DPP6: variants seen among roughly 807,000 people sequenced by gnomAD.
The protein encoded by DPP6 is dipeptidyl peptidase like 6.
Under a neutral mutation model 122.6 loss-of-function variants are expected in DPP6, and 69 were observed. That is an observed-to-expected ratio of 0.56 (90% CI 0.46 to 0.69). DPP6 has a LOEUF of 0.69. Ranked by LOEUF, DPP6 falls within the 30% of genes least tolerant of loss-of-function variation. The pLI is 0.00. For missense variants in DPP6, 928 were observed against 1,116.9 expected (o/e 0.83, Z 2.41); for synonymous variants, 418 against 433.1 (o/e 0.97, Z 0.43).
Position 154,803,853 on chromosome 7 carries a change from G to A in DPP6, c.1408-11G>A. ...GGTGTCTGCTCCTGATGCCATGTCT[G>A]TGTGTTTCAGCCCAACAGCAGCAAC... On this transcript the variant is annotated splice_polypyrimidine_tract_variant and intron_variant, in intron 13 of 25. Transcript: ENST00000377770. 6.2e-7 allele frequency: 1 copy of A among 1,612,662 alleles called. No homozygotes were observed. Among genetic ancestry groups the A allele is most frequent in the South Asian group, 1.1e-5 (1 of 90,884 alleles).
At chr7:154,757,714 T>C (rs1795225846) in intron 8 of DPP6, among the ~76,000 whole-genome samples, 1 of 152,170 alleles carries the variant, frequency 6.6e-6, no homozygotes, top group African/African-American at 2.4e-5. Context: ...ACTGGCATAG[T>C]CGTGGTGAGC....
the DPP6 span, among the ~76,000 whole-genome samples, chr7:153,843,060 A>T: frequency 1.3e-5 from 2 of 149,296 alleles, no homozygotes; most frequent in Non-Finnish European, 2.9e-5. Context: ...GAGTGCATAC[A>T]CGAGTGCATA....
chr7:154,040,563 A>G (rs1189239687), intron 1 of DPP6, among the ~76,000 whole-genome samples: 5 of 147,784 alleles, frequency 3.4e-5, no homozygotes, highest in Non-Finnish European at 5.9e-5. Context: ...CTCACATTCA[A>G]ACAACAATTC....
chr7:154,703,026 A>G (rs1185934862), intron 7 of DPP6, among the ~76,000 whole-genome samples: 1 of 152,204 alleles, frequency 6.6e-6, no homozygotes, highest in East Asian at 1.9e-4. Flanking sequence ...GGCCCTTAAG[A>G]GTGATGTTAA....
intron 1 of DPP6, among the ~76,000 whole-genome samples, chr7:153,944,665 T>G (rs1344421897): frequency 2.3e-5 from 1 of 43,664 alleles, no homozygotes; most frequent in Admixed American, 2.4e-4. Context: ...TTTGTGTGGG[T>G]TTTTTTTTTT....
At chr7:154,543,007 GAGA>G (rs1338651608) in intron 4 of DPP6, among the ~76,000 whole-genome samples, 1 of 152,188 alleles carries the variant, frequency 6.6e-6, no homozygotes, top group African/African-American at 2.4e-5. Flanking sequence ...AGCAAGTATG[GAGA>G]AGGTGAAGCC....
At chr7:153,853,589 G>C in the DPP6 span, among the ~76,000 whole-genome samples, 12 of 152,244 alleles carry the variant, frequency 7.9e-5, no homozygotes, top group African/African-American at 2.6e-4. Flanking sequence ...ACTAGGCCTG[G>C]ATGGAAGGCC....
intron 7 of DPP6, among the ~76,000 whole-genome samples, chr7:154,703,608 C>T (rs1273604284): frequency 1.6e-5 from 2 of 125,490 alleles, no homozygotes; most frequent in African/African-American, 2.9e-5. Flanking sequence ...AACAGTGAGA[C>T]ACTCTGTCTC....
intron 5 of DPP6, among the ~76,000 whole-genome samples, chr7:154,637,249 G>GT (rs1190034969): frequency 1.3e-5 from 2 of 152,134 alleles, no homozygotes; most frequent in African/African-American, 4.8e-5. Flanking sequence ...TTTTAAAGCC[G>GT]TGATACTTCC....
intron 1 of DPP6, among the ~76,000 whole-genome samples, chr7:154,169,602 A>G (rs1797432678): frequency 6.6e-6 from 1 of 152,208 alleles, no homozygotes; most frequent in Admixed American, 6.5e-5. Flanking sequence ...GCATTAGAGG[A>G]GTATCTAATA....
intron 1 of DPP6, among the ~76,000 whole-genome samples, chr7:154,297,592 A>G (rs1187409957): frequency 6.6e-6 from 1 of 152,222 alleles, no homozygotes; most frequent in East Asian, 1.9e-4. Context: ...AAGGACTTGG[A>G]CTGTATCAAT....
chr7:154,871,617 T>C (rs979248457), intron 18 of DPP6, among the ~76,000 whole-genome samples: 3 of 152,176 alleles, frequency 2.0e-5, no homozygotes, highest in Non-Finnish European at 2.9e-5. Context: ...AGACCATGTT[T>C]TATGGAATTT....
intron 1 of DPP6, among the ~76,000 whole-genome samples, chr7:154,211,247 G>A (rs1162398361): frequency 6.6e-6 from 1 of 152,174 alleles, no homozygotes; most frequent in Non-Finnish European, 1.5e-5. Context: ...GCTGGAGGAG[G>A]GAACAAGCTG....
At chr7:154,546,162 A>G (rs1014119091) in intron 4 of DPP6, among the ~76,000 whole-genome samples, 1 of 151,056 alleles carries the variant, frequency 6.6e-6, no homozygotes, top group East Asian at 1.9e-4. Context: ...TATGAAGGGT[A>G]TGTAGCGATA....
chr7:154,563,906 C>T (rs75225874), intron 4 of DPP6, among the ~76,000 whole-genome samples: 1,747 of 152,174 alleles, frequency 0.011, 15 homozygotes, highest in South Asian at 0.016. Flanking sequence ...AGCCAGACTG[C>T]GCATGGTTTT....
At chr7:154,394,128 T>A (rs1410845922) in intron 1 of DPP6, among the ~76,000 whole-genome samples, 2 of 152,178 alleles carry the variant, frequency 1.3e-5, no homozygotes, top group African/African-American at 4.8e-5. Context: ...CTGGATCATA[T>A]GGTTATTTCA....
intron 4 of DPP6, among the ~76,000 whole-genome samples, chr7:154,550,642 G>A (rs575633262): frequency 1.5e-4 from 23 of 151,960 alleles, no homozygotes; most frequent in African/African-American, 5.1e-4. Flanking sequence ...TGTTGATTTG[G>A]TACCAGGTAG....
intron 6 of DPP6, among the ~76,000 whole-genome samples, chr7:154,646,298 A>G (rs909414369): frequency 3.9e-5 from 6 of 152,144 alleles, no homozygotes; most frequent in African/African-American, 1.4e-4. Context: ...CTATTCTCCC[A>G]TCCGGCTGTG....
chr7:154,690,215 C>T (rs1161305851), intron 7 of DPP6, among the ~76,000 whole-genome samples: 1 of 152,284 alleles, frequency 6.6e-6, no homozygotes, highest in East Asian at 1.9e-4. Context: ...GGACCTGTGT[C>T]CTCAGATTCC....
Sources: gnomAD v4.1 joint callset for allele counts (sites outside exome capture counted in the v4.1 genomes callset) on GRCh38, gnomAD v4.1.1 for gene constraint, MANE v1.5 for transcripts, NCBI Gene and HGNC (gene_info 2026-07-23, HGNC 2026-07-21) for gene names.